The following FBN3 variants were observed in gnomAD, a reference collection of about 807,000 sequenced individuals.
FBN3 encodes fibrillin 3.
A neutral mutation model predicts 330.1 loss-of-function variants in FBN3; 234 were observed. That is an observed-to-expected ratio of 0.71 (90% CI 0.64 to 0.79). The LOEUF (loss-of-function observed/expected upper bound fraction) is 0.79. Ranked by LOEUF, FBN3 falls within the 30% of genes least tolerant of loss-of-function variation. The probability of loss-of-function intolerance (pLI) is 0.00; values close to 1 mark genes in which losing one functional copy is unlikely to be tolerated. For synonymous variants in FBN3, 1,458 were observed against 1,517.3 expected, an observed-to-expected ratio of 0.96 and a Z score of 0.91; for missense variants, 3,606 against 3,886.9, an observed-to-expected ratio of 0.93 and a Z score of 1.92.
intron 59 of FBN3, among the ~76,000 whole-genome samples, chr19:8,076,434 G>T (rs879634481): frequency 6.6e-6 from 1 of 152,030 alleles, no homozygotes; most frequent in Non-Finnish European, 1.5e-5. Context: ...TCAGGAGTTC[G>T]AGATCAGCCT....
chr19:8,100,331 A>G (rs1380004199), intron 41 of FBN3, among the ~76,000 whole-genome samples: 1 of 151,976 alleles, frequency 6.6e-6, no homozygotes, highest in East Asian at 1.9e-4. Context: ...AAAATGGTTC[A>G]AATGATACTT....
intron 57 of FBN3, among the ~76,000 whole-genome samples, chr19:8,082,428 C>T (rs991026525): frequency 6.9e-6 from 1 of 145,182 alleles, no homozygotes; most frequent in African/African-American, 2.5e-5. Flanking sequence ...TTGTTTCTTT[C>T]TCTCTCTCTC....
chr19:8,094,671 G>A (rs1343068883), intron 46 of FBN3, 106 bp from the exon 47 acceptor site: 10 of 1,306,202 alleles, frequency 7.7e-6, no homozygotes, highest in African/African-American at 2.9e-5. Flanking sequence ...GAGGGCCCCA[G>A]GACAAGCCCT....
In FBN3 at chr19:8,086,280, C is replaced by T. The variant is rs1205708353; in HGVS notation, c.6800G>A (p.Arg2267His). Residue 2267 changes from arginine to histidine, a missense_variant, in exon 55 of 64, where the codon CGC (arginine) becomes CAC (histidine). By Grantham distance (29) the Arg-to-His change is conservative. Coordinates refer to ENST00000600128, the MANE Select transcript of FBN3 (RefSeq NM_032447.5). ...GAAGCTGCCCGCGGTGTTGACACAG[C>T]GGCCGTTGACACAGAGGTCAGGCTG... is the stretch of plus-strand genomic sequence containing the variant. ...HAQPDLCVNGRCVNTAGSFRC... is the reference protein window; with the variant it reads ...HAQPDLCVNGHCVNTAGSFRC... 10 of 1,611,846 alleles carry T rather than the reference C, an allele frequency of 6.2e-6. No homozygotes were observed. The East Asian group carries it at 8.9e-5, about 14-fold the overall frequency.
At chr19:8,076,243 T>TGC (rs2081637052) in intron 59 of FBN3, among the ~76,000 whole-genome samples, 1 of 106,820 alleles carries the variant, frequency 9.4e-6, no homozygotes, top group Non-Finnish European at 1.8e-5. Context: ...GGGTTGTCCG[T>TGC]GTGCGTGTGT....
At chr19:8,146,979 G>A in intron 3 of FBN3, 125 bp downstream of exon 3, 1 of 832,710 alleles carries the variant, frequency 1.2e-6, no homozygotes, top group Admixed American at 2.1e-5. Flanking sequence ...CAGATGCAAG[G>A]GCCATTCCTG....
chr19:8,089,599 G>T lies in FBN3; in HGVS notation c.6322C>A (p.Arg2108Ser). 6.2e-7 allele frequency: 1 copy of T among 1,614,228 alleles called. No individual in the cohort carries two copies. Among genetic ancestry groups the T allele is most frequent in the South Asian group, 1.1e-5 (1 of 91,090 alleles). Residue 2108 changes from arginine to serine, a missense_variant, in exon 51 of 64, where the codon CGC becomes AGC. Arg to Ser is a moderately radical substitution (Grantham distance 110). Coordinates refer to ENST00000600128, the MANE Select transcript of FBN3 (RefSeq NM_032447.5). ...CTGTAGCCAAAGGGACACTCACAGC[G>T]GAAGGATCCATCGGTGTTGACACAG... ...GVCVNTDGSF[R>S]CECPFGYSLD...
At chr19:8,139,602 T>G (rs1350683667) in intron 8 of FBN3, among the ~76,000 whole-genome samples, 4 of 151,658 alleles carry the variant, frequency 2.6e-5, no homozygotes, top group Non-Finnish European at 4.4e-5. Context: ...CCTACGAGAC[T>G]GTGAATTTCA....
chr19:8,084,948 A>G (rs2081901550), intron 56 of FBN3, among the ~76,000 whole-genome samples: 1 of 151,910 alleles, frequency 6.6e-6, no homozygotes, highest in Admixed American at 6.6e-5. Flanking sequence ...GTGCAGTGGC[A>G]CTATCTTAGC....
chr19:8,100,893 T>C lies in FBN3; in HGVS notation c.5161+8A>G, dbSNP rs750635289. 2.1e-5 allele frequency: 34 copies of C among 1,612,516 alleles called. No individual in the cohort carries two copies. In the East Asian group the frequency reaches 7.1e-4, roughly 34 times the overall value. ...TGCCCAGGGATAGAGCAGGGACCAC[T>C]CACTCACCAAGGGGCTTCCCCGTGT... On this transcript the variant is annotated splice_region_variant and intron_variant, in intron 41 of 63. Coordinates refer to ENST00000600128, the MANE Select transcript of FBN3 (RefSeq NM_032447.5).
rs975319123 is a variant in FBN3, at chr19:8,110,697, G to T, written c.4333+148C>A. 6 of 986,772 alleles carry T rather than the reference G, an allele frequency of 6.1e-6. No individual in the cohort carries two copies. The Admixed American group carries it at 1.3e-4, about 22-fold the overall frequency. 61.1% of individuals were successfully genotyped at this position (986,772 alleles called of 1,614,324 possible). A position where few individuals can be genotyped will look rare whatever the true frequency, so the allele number is the denominator to read the frequency against. The stretch of plus-strand genomic sequence containing the variant: ...GCGAACAGGAACGGGAAATGATGGG[G>T]ACATCAGGCAAGGCGCCCCCCACCC... On this transcript the variant is annotated intron_variant, in intron 34 of 63. Coordinates refer to ENST00000600128, the MANE Select transcript of FBN3 (RefSeq NM_032447.5).
chr19:8,148,349 C>T (rs1459975496), intron 1 of FBN3, among the ~76,000 whole-genome samples: 2 of 152,104 alleles, frequency 1.3e-5, no homozygotes, highest in African/African-American at 4.8e-5. Context: ...GGGGCTGGAA[C>T]TTCCCAATGC....
At position 8,083,363 on chromosome 19, in the gene FBN3, T is replaced by C; in HGVS notation, c.7097A>G (p.Glu2366Gly). The stretch of plus-strand genomic sequence containing the variant: ...ACACAGGTGAGCAAGCATACGGCAT[T>C]CATCTACATCTGGGAAAAAGTAGGG... ...GYTAEGRDVDECRMLAHLCAH... is the reference protein window; with the variant it reads ...GYTAEGRDVDGCRMLAHLCAH... The change falls in exon 57 of 64, where the codon GAA (glutamate) becomes GGA (glycine). Residue 2366 changes from glutamate (E) to glycine (G), a missense_variant. Transcript: ENST00000600128. 6.2e-7 allele frequency: 1 copy of C among 1,613,964 alleles called. No individual in the cohort carries two copies. Among genetic ancestry groups the C allele is most frequent in the East Asian group, 2.2e-5 (1 of 44,878 alleles).
chr19:8,143,665 G>A (rs529503702), intron 6 of FBN3, among the ~76,000 whole-genome samples: 5 of 151,558 alleles, frequency 3.3e-5, no homozygotes, highest in Non-Finnish European at 5.9e-5. Flanking sequence ...ATTTTTTTGT[G>A]TATTTTTAGT....
chr19:8,071,978 G>T, intron 63 of FBN3, 70 bp downstream of exon 63: 1 of 1,463,750 alleles, frequency 6.8e-7, no homozygotes, highest in Non-Finnish European at 9.2e-7. Flanking sequence ...TGACTAAGTC[G>T]GGTCCACAGC....
At position 8,096,080 on chromosome 19, in the gene FBN3, T is replaced by A. The variant is rs773343938; in HGVS notation, c.5540A>T (p.Asp1847Val). The change falls in exon 45 of 64, where the codon GAC becomes GTC. Residue 1847 changes from aspartate to valine, a missense_variant and splice_region_variant. By Grantham distance (152) the Asp-to-Val change is radical (BLOSUM62 -3). Coordinates refer to ENST00000600128, the MANE Select transcript of FBN3 (RefSeq NM_032447.5). The surrounding 1 kb of genome is among the most constrained non-coding windows in gnomAD (Gnocchi z 4.6). ...AGGCTGCCGGTCACACTCGTCAATGTCTGCAGAAGCAAAGCCGAGAGCCCA... is the reference window on the plus strand; with the variant it reads ...AGGCTGCCGGTCACACTCGTCAATGACTGCAGAAGCAAAGCCGAGAGCCCA... The part of the protein sequence containing the change: ...QASADQTLCM[D>V]IDECDRQPCG... The A allele has an allele frequency of 6.2e-7, 1 of 1,612,410 alleles. No homozygotes were observed. Among genetic ancestry groups the A allele is most frequent in the South Asian group, 1.1e-5 (1 of 91,038 alleles).
intron 47 of FBN3, among the ~76,000 whole-genome samples, chr19:8,091,913 G>A (rs1231702164): frequency 6.6e-6 from 1 of 152,198 alleles, no homozygotes; most frequent in South Asian, 2.1e-4. Flanking sequence ...CGGGCGCGGT[G>A]GCTCATGCCT....
Position 8,145,843 on chromosome 19 carries a change from GCTGCCCA to G in FBN3, c.438_444del (p.Gly147ProfsTer43). ...AGGGGAGTCCCATGGGGATACTCAC[GCTGCCCA>G]CACACGGTGCCTGTGTAGCCCTTCT... On this transcript the variant is annotated frameshift_variant and splice_region_variant, in exon 5 of 64. Transcript: ENST00000600128. LOFTEE classifies it high-confidence loss of function. 5 of 1,550,166 alleles carry G rather than the reference GCTGCCCA, an allele frequency of 3.2e-6. No individual in the cohort carries two copies. Among genetic ancestry groups the G allele is most frequent in the Non-Finnish European group, 4.4e-6 (5 of 1,146,194 alleles).
Position 8,103,616 on chromosome 19 carries a change from T to G in FBN3, c.4885A>C (p.Thr1629Pro). ...AGGTACTCTGCAGGGCAGACACAGGTGTAGTTCCCCAGGGTGTTGTAGCAG... is the reference window on the plus strand; with the variant it reads ...AGGTACTCTGCAGGGCAGACACAGGGGTAGTTCCCCAGGGTGTTGTAGCAG... ...GTCYNTLGNYTCVCPAEYLQV... is the reference protein window; with the variant it reads ...GTCYNTLGNYPCVCPAEYLQV... Residue 1629 changes from threonine to proline, a missense_variant, in exon 39 of 64, where the codon ACC becomes CCC. Physicochemically the swap from Thr to Pro is conservative, Grantham distance 38. Coordinates refer to ENST00000600128, the MANE Select transcript of FBN3 (RefSeq NM_032447.5). 1 of 1,613,786 alleles carries G rather than the reference T, an allele frequency of 6.2e-7. No homozygotes were observed. The highest frequency in any genetic ancestry group is 8.5e-7 in the Non-Finnish European group (1 of 1,179,798).
Sources: gnomAD v4.1 joint callset for allele counts (sites outside exome capture counted in the v4.1 genomes callset) on GRCh38, gnomAD v4.1.1 for gene constraint, Gnocchi (gnomAD v3.1) non-coding constraint, MANE v1.5 for transcripts, NCBI Gene and HGNC (gene_info 2026-07-23, HGNC 2026-07-21) for gene names.